Variants in RALGDS observed in about 807,000 individuals in gnomAD.
The protein encoded by RALGDS is ral guanine nucleotide exchange factor.
A neutral mutation model predicts 99.8 loss-of-function variants in RALGDS; 44 were observed. That is an observed-to-expected ratio of 0.44 (90% CI 0.35 to 0.57). The LOEUF is 0.57. Ranked by LOEUF, RALGDS falls within the 20% of genes least tolerant of loss-of-function variation. The pLI is 0.01. For synonymous variants in RALGDS, 529 were observed against 505.0 expected, an observed-to-expected ratio of 1.05 and a Z score of -0.64; for missense variants, 1,022 against 1,203.1, an observed-to-expected ratio of 0.85 and a Z score of 2.23.
chr9:133,135,527 C>G (rs1053617934), upstream of RALGDS, among the ~76,000 whole-genome samples: 1 of 152,238 alleles, frequency 6.6e-6, no homozygotes, highest in Non-Finnish European at 1.5e-5. Flanking sequence ...GGCACCGCAG[C>G]TCCCCTCCCC....
At chr9:133,146,750 C>T (rs1022942359) in intron 1 of RALGDS, among the ~76,000 whole-genome samples, 7 of 152,236 alleles carry the variant, frequency 4.6e-5, no homozygotes, top group African/African-American at 1.7e-4. Flanking sequence ...CACCTTCACC[C>T]CTCACTCTGG....
chr9:133,138,383 G>A (rs1832460221), intron 1 of RALGDS, among the ~76,000 whole-genome samples: 1 of 152,308 alleles, frequency 6.6e-6, no homozygotes, highest in South Asian at 2.1e-4. Context: ...AGGCTCAAGG[G>A]CCTCTCCTAT....
intron 16 of RALGDS, chr9:133,101,272 C>G: frequency 7.4e-7 from 1 of 1,359,706 alleles, no homozygotes. Flanking sequence ...ACTTCCCTGA[C>G]CTCACCTCCC....
chr9:133,107,198 C>T lies in RALGDS; in HGVS notation c.1300G>A (p.Val434Ile), dbSNP rs763143014. ...TTGGCCACACTGTTGAACTGGGTGA[C>T]AGTGGCGCGGATGGTGGGCGCCAGG... ...EHLAPTIRAT[V>I]TQFNSVANCV... Residue 434 changes from valine (V) to isoleucine (I), a missense_variant, in exon 7 of 18, where the codon GTC (valine) becomes ATC (isoleucine). Transcript: ENST00000372050. 4 of 1,613,760 alleles carry T rather than the reference C, an allele frequency of 2.5e-6. No homozygotes were observed. In the South Asian group the frequency reaches 3.3e-5, roughly 13 times the overall value.
intron 1 of RALGDS, among the ~76,000 whole-genome samples, chr9:133,127,750 C>T (rs1020796178): frequency 6.6e-6 from 1 of 152,226 alleles, no homozygotes; most frequent in Admixed American, 6.5e-5. Context: ...GCAGGGGTCC[C>T]CACAGGCGAG....
chr9:133,109,894 C>T (rs1831256226), intron 3 of RALGDS, among the ~76,000 whole-genome samples, 173 bp from the exon 4 acceptor site: 1 of 152,158 alleles, frequency 6.6e-6, no homozygotes, highest in Non-Finnish European at 1.5e-5. Context: ...TCCCAACCAG[C>T]TCCTTCCCAG....
At chr9:133,105,071 C>T (rs547222838) in intron 9 of RALGDS, among the ~76,000 whole-genome samples, 11 of 152,314 alleles carry the variant, frequency 7.2e-5, no homozygotes, top group Non-Finnish European at 1.3e-4. Context: ...CGTTTGGTCA[C>T]TGATCAGGGT....
intron 2 of RALGDS, among the ~76,000 whole-genome samples, chr9:133,110,838 T>C (rs1831304960): frequency 6.6e-6 from 1 of 152,082 alleles, no homozygotes; most frequent in African/African-American, 2.4e-5. Context: ...TCCCAGCATT[T>C]TGGGAGGCTG....
chr9:133,116,739 G>T (rs533588607), intron 1 of RALGDS, among the ~76,000 whole-genome samples: 1 of 152,230 alleles, frequency 6.6e-6, no homozygotes, highest in South Asian at 2.1e-4. Context: ...TCCTCCTAAC[G>T]CCCTGCCTGA....
At chr9:133,129,164 G>T in intron 1 of RALGDS, 1 of 1,596,178 alleles carries the variant, frequency 6.3e-7, no homozygotes, top group Non-Finnish European at 8.5e-7. Context: ...TGCTGGCAGA[G>T]GTGCCAGCCA....
In RALGDS at chr9:133,112,169, C is replaced by T. The variant is rs1197561606; in HGVS notation, c.184-17G>A. 7.8e-6 allele frequency: 12 copies of T among 1,541,344 alleles called. No homozygotes were observed. Among genetic ancestry groups the T allele is most frequent in the African/African-American group, 4.1e-5 (3 of 72,814 alleles). On this transcript the variant is annotated splice_polypyrimidine_tract_variant and intron_variant, in intron 1 of 17. Coordinates refer to ENST00000372050, the MANE Select transcript of RALGDS (RefSeq NM_006266.4). ...CGTGGAGCTCTGTGAAGACAACGCC[C>T]GGCAGCCGGGCGCGGGGACGTCAAG...
chr9:133,120,434 C>CA (rs1243123381), intron 1 of RALGDS, among the ~76,000 whole-genome samples: 1 of 137,884 alleles, frequency 7.3e-6, no homozygotes, highest in African/African-American at 2.7e-5. Flanking sequence ...CCCGACCCCC[C>CA]CCCCACCCCG....
chr9:133,104,463 G>A, intron 9 of RALGDS, 132 bp from the exon 10 acceptor site: 5 of 827,704 alleles, frequency 6.0e-6, no homozygotes, highest in Non-Finnish European at 1.0e-5. Flanking sequence ...TGGGGTCCTG[G>A]GCCGGTGGCC....
At chr9:133,129,981 A>AT (rs1420176828) in intron 1 of RALGDS, among the ~76,000 whole-genome samples, 30 of 146,012 alleles carry the variant, frequency 2.1e-4, no homozygotes, top group African/African-American at 7.5e-4. Context: ...TGCTCGGCTA[A>AT]TTTTTTTTTG....
chr9:133,120,428 A>ACCCCC (rs71378548), intron 1 of RALGDS, among the ~76,000 whole-genome samples: 27 of 60,022 alleles, frequency 4.5e-4, no homozygotes, highest in East Asian at 6.7e-4. Context: ...CCATCCCCCG[A>ACCCCC]CCCCCCCCCC....
chr9:133,140,046 G>A (rs1327648856), intron 1 of RALGDS, among the ~76,000 whole-genome samples: 2 of 149,698 alleles, frequency 1.3e-5, no homozygotes, highest in African/African-American at 4.9e-5. Context: ...GACAGCACTA[G>A]TCAGGTGATT....
chr9:133,128,448 A>G (rs550555240), intron 1 of RALGDS, among the ~76,000 whole-genome samples: 3 of 151,470 alleles, frequency 2.0e-5, no homozygotes, highest in Admixed American at 2.0e-4. Flanking sequence ...TCTATCCCAC[A>G]GCTGTGATAG....
exon 1 of RALGDS, chr9:133,131,008 A>T (rs1224513604): frequency 5.8e-5 from 89 of 1,535,422 alleles, no homozygotes; most frequent in Non-Finnish European, 7.4e-5. Context: ...TGGAGGGCAC[A>T]GGGCAGGGAG....
At chr9:133,109,749 T>C (rs376786015) in intron 3 of RALGDS, 28 bp from the exon 4 acceptor site, 335 of 1,591,298 alleles carry the variant, frequency 2.1e-4, no homozygotes, top group Non-Finnish European at 2.6e-4. Flanking sequence ...TGTTACTGTC[T>C]GACTCTCCGA....
Sources: allele counts gnomAD v4.1 joint callset (sites outside exome capture counted in the v4.1 genomes callset), GRCh38; gene constraint gnomAD v4.1.1; transcripts MANE v1.5; gene names NCBI Gene and HGNC (gene_info 2026-07-23, HGNC 2026-07-21).